KCNH5: variants seen among roughly 807,000 people sequenced by gnomAD.
The protein encoded by KCNH5 is potassium voltage-gated channel subfamily H member 5.
In KCNH5, 46 loss-of-function variants were observed where a neutral mutation model predicts 96.1. The ratio of observed to expected loss-of-function variants is 0.48; its 90% CI spans 0.38 to 0.61. The LOEUF (loss-of-function observed/expected upper bound fraction) is 0.61. KCNH5 is among the 20% of genes least tolerant of loss of function. The pLI, the probability that KCNH5 is intolerant of heterozygous loss-of-function variation, is 0.00. For synonymous variants in KCNH5, 439 were observed against 449.8 expected (o/e 0.98, Z 0.30); for missense variants, 907 against 1,225.8 (o/e 0.74, Z 3.88).
At chr14:62,824,727 G>A (rs561119993) in intron 8 of KCNH5, among the ~76,000 whole-genome samples, 31 of 152,154 alleles carry the variant, frequency 2.0e-4, no homozygotes, top group African/African-American at 7.0e-4. Context: ...CCCAGGTACT[G>A]AGCACACTAT....
At chr14:62,929,487 A>G (rs187939715) in intron 7 of KCNH5, among the ~76,000 whole-genome samples, 50 of 152,108 alleles carry the variant, frequency 3.3e-4, no homozygotes, top group Non-Finnish European at 5.1e-4. Flanking sequence ...CCACAGAACA[A>G]TGGTCACCAG....
intron 7 of KCNH5, among the ~76,000 whole-genome samples, chr14:62,946,797 T>C (rs1019215231): frequency 6.6e-6 from 1 of 152,194 alleles, no homozygotes; most frequent in Admixed American, 6.6e-5. Flanking sequence ...AGGGGCATTA[T>C]GCTGAGCGGA....
At chr14:62,890,988 G>C (rs1284345415) in intron 7 of KCNH5, among the ~76,000 whole-genome samples, 6 of 152,172 alleles carry the variant, frequency 3.9e-5, no homozygotes, top group Admixed American at 3.9e-4. Context: ...ATTGTGGAAA[G>C]CAGTATGGCG....
In KCNH5 at chr14:62,787,853, G is replaced by T. The variant is rs151136585; in HGVS notation, c.1823-7929C>A. On this transcript the variant is annotated intron_variant, in intron 9 of 10. Transcript: ENST00000322893. ...TTTAAGCCTACTGTTGAGACCAACT[G>T]CTCAGAAAAAAAGATTCATTTGAAA... Among the ~76,000 whole-genome samples, 537 of 152,262 alleles carry T rather than the reference G, an allele frequency of 3.5e-3. 3 individuals carry two copies. The highest frequency in any genetic ancestry group is 0.013 in the African/African-American group (521 of 41,558).
chr14:62,840,096 T>G (rs1887545685), intron 8 of KCNH5, among the ~76,000 whole-genome samples: 1 of 152,282 alleles, frequency 6.6e-6, no homozygotes, highest in South Asian at 2.1e-4. Context: ...TATTTATCAC[T>G]CTATAGCAAG....
chr14:62,896,289 C>T lies in KCNH5; in HGVS notation c.1370-46437G>A, dbSNP rs143905691. 1.5e-3 allele frequency among the ~76,000 whole-genome samples: 231 copies of T among 152,256 alleles called. 5 individuals are homozygous for T. Among genetic ancestry groups the T allele is most frequent in the African/African-American group, 5.2e-3 (216 of 41,568 alleles). On this transcript the variant is annotated intron_variant, in intron 7 of 10. Transcript: ENST00000322893. ...TCCATTCTGTTTGGCTGCATAAGGACCTATATATGTTAACACAGTGAAACA... is the reference window on the plus strand; with the variant it reads ...TCCATTCTGTTTGGCTGCATAAGGATCTATATATGTTAACACAGTGAAACA...
At chr14:62,950,941 T>C (rs1889993834) in intron 6 of KCNH5, among the ~76,000 whole-genome samples, 1 of 152,190 alleles carries the variant, frequency 6.6e-6, no homozygotes, top group Admixed American at 6.5e-5. Context: ...CCTTTTCCTA[T>C]AAAACTTTCC....
intron 7 of KCNH5, among the ~76,000 whole-genome samples, chr14:62,858,018 T>A (rs1451238543): frequency 6.6e-6 from 1 of 151,644 alleles, no homozygotes; most frequent in African/African-American, 2.4e-5. Flanking sequence ...CAAATACTAT[T>A]AAAGTTAACA....
chr14:63,007,597 C>A (rs1891150362), intron 2 of KCNH5, among the ~76,000 whole-genome samples: 1 of 152,034 alleles, frequency 6.6e-6, no homozygotes. Context: ...GATGCTAAAA[C>A]CATCATAATT....
intron 7 of KCNH5, among the ~76,000 whole-genome samples, chr14:62,894,018 C>T (rs1888762058): frequency 6.6e-6 from 1 of 152,166 alleles, no homozygotes; most frequent in Non-Finnish European, 1.5e-5. Context: ...AAGATTATGC[C>T]TCATTGAAGA....
At chr14:62,871,898 A>G (rs1221537469) in intron 7 of KCNH5, among the ~76,000 whole-genome samples, 1 of 152,140 alleles carries the variant, frequency 6.6e-6, no homozygotes, top group Non-Finnish European at 1.5e-5. Context: ...TCTCAGACTG[A>G]GTCATTGTTT....
At chr14:62,745,977 A>C (rs1056666488) in intron 10 of KCNH5, among the ~76,000 whole-genome samples, 4 of 152,206 alleles carry the variant, frequency 2.6e-5, no homozygotes, top group Non-Finnish European at 2.9e-5. Flanking sequence ...CAGAGTCAAC[A>C]GAAGAGCGGG....
intron 9 of KCNH5, among the ~76,000 whole-genome samples, chr14:62,787,567 C>A (rs889552286): frequency 1.3e-5 from 2 of 152,242 alleles, no homozygotes; most frequent in Admixed American, 6.5e-5. Context: ...GATGAAACAG[C>A]CTTCTATTAA....
intron 1 of KCNH5, among the ~76,000 whole-genome samples, chr14:63,037,558 A>C (rs147971042): frequency 0.012 from 1,797 of 152,262 alleles, 35 homozygotes; most frequent in African/African-American, 0.04. Context: ...AATGTATAAA[A>C]ATAAAATCAT....
Position 63,001,380 on chromosome 14 carries a change from G to T in KCNH5, c.384C>A (p.Phe128Leu). 6.2e-7 allele frequency: 1 copy of T among 1,612,602 alleles called. No homozygotes were observed. Among genetic ancestry groups the T allele is most frequent in the Non-Finnish European group, 8.5e-7 (1 of 1,179,234 alleles). ...GCTGTTTGAACAACGTAATATCCTT[G>T]AAAGTACACAGGAACAAGACCACCT... ...HEKVVLFLCT[F>L]KDITLFKQPI... The change falls in exon 4 of 11, where the codon TTC becomes TTA. Residue 128 changes from phenylalanine (F) to leucine (L), a missense_variant. Transcript: ENST00000322893.
At chr14:62,869,823 C>T (rs571760277) in intron 7 of KCNH5, among the ~76,000 whole-genome samples, 2 of 152,176 alleles carry the variant, frequency 1.3e-5, no homozygotes, top group South Asian at 4.2e-4. Flanking sequence ...CTTTGACAAA[C>T]CTGACAAAAA....
intron 8 of KCNH5, among the ~76,000 whole-genome samples, chr14:62,848,704 A>G (rs1887746218): frequency 6.6e-6 from 1 of 152,138 alleles, no homozygotes; most frequent in Admixed American, 6.6e-5. Flanking sequence ...TCCCTTTGAC[A>G]TTGAAAGATG....
At chr14:62,920,159 C>T (rs1271771057) in intron 7 of KCNH5, among the ~76,000 whole-genome samples, 1 of 151,908 alleles carries the variant, frequency 6.6e-6, no homozygotes, top group Non-Finnish European at 1.5e-5. Flanking sequence ...GATACCAACT[C>T]CTATGGGGGC....
intron 7 of KCNH5, among the ~76,000 whole-genome samples, chr14:62,918,125 C>G (rs902788713): frequency 6.6e-6 from 1 of 152,090 alleles, no homozygotes. Context: ...CTCTTTGCCT[C>G]ATTTTCCTCA....
Sources: allele counts gnomAD v4.1 joint callset (sites outside exome capture counted in the v4.1 genomes callset), GRCh38; gene constraint gnomAD v4.1.1; transcripts MANE v1.5; gene names NCBI Gene and HGNC (gene_info 2026-07-23, HGNC 2026-07-21).